SYT10: variants seen among roughly 807,000 people sequenced by gnomAD.
The protein encoded by SYT10 is synaptotagmin 10.
In SYT10, 31 loss-of-function variants were observed where a neutral mutation model predicts 51.1. The observed-to-expected ratio is 0.61, with a 90% CI of 0.46 to 0.82. The LOEUF (loss-of-function observed/expected upper bound fraction) is 0.82, where lower values mean the gene tolerates loss of function less well. SYT10 is among the 40% of genes least tolerant of loss of function. The probability of loss-of-function intolerance (pLI) is 0.00; values close to 1 mark genes in which losing one functional copy is unlikely to be tolerated. For synonymous variants in SYT10, 233 were observed against 225.9 expected, an observed-to-expected ratio of 1.03 and a Z score of -0.28; for missense variants, 603 against 634.0, an observed-to-expected ratio of 0.95 and a Z score of 0.53.
intron 3 of SYT10, among the ~76,000 whole-genome samples, chr12:33,387,480 A>C (rs1459082912): frequency 6.6e-6 from 1 of 152,206 alleles, no homozygotes; most frequent in Non-Finnish European, 1.5e-5. Context: ...TATTGCTAGC[A>C]CATACAGCAG....
intron 2 of SYT10, among the ~76,000 whole-genome samples, chr12:33,421,524 A>G (rs879544725): frequency 2.6e-5 from 4 of 152,186 alleles, no homozygotes; most frequent in Non-Finnish European, 5.9e-5. Flanking sequence ...ACACAGTGTT[A>G]TCTCACCACT....
At chr12:33,409,249 C>T (rs1300997688) in intron 2 of SYT10, among the ~76,000 whole-genome samples, 1 of 152,090 alleles carries the variant, frequency 6.6e-6, no homozygotes, top group East Asian at 1.9e-4. Flanking sequence ...TGGGTTCTCA[C>T]TCTGTCACCC....
intron 2 of SYT10, among the ~76,000 whole-genome samples, chr12:33,422,485 T>C (rs1186904660): frequency 6.6e-6 from 1 of 152,118 alleles, no homozygotes; most frequent in Admixed American, 6.6e-5. Context: ...AGAACTCCTC[T>C]GCTACAAATA....
At chr12:33,428,907 GA>G (rs142029382) in intron 1 of SYT10, among the ~76,000 whole-genome samples, 12,962 of 95,358 alleles carry the variant, frequency 0.14, 1,680 homozygotes, top group East Asian at 0.66. Context: ...CTCTGCTTCA[GA>G]AAAAAAAAAA....
intron 4 of SYT10, among the ~76,000 whole-genome samples, chr12:33,384,043 C>T (rs1163730854): frequency 6.6e-6 from 1 of 152,102 alleles, no homozygotes; most frequent in Non-Finnish European, 1.5e-5. Flanking sequence ...TTCACATACA[C>T]ACTATGTATC....
In SYT10 at chr12:33,376,590, C is replaced by T. The variant is rs1237416210; in HGVS notation, c.*240G>A. 3 of 511,096 alleles carry T rather than the reference C, an allele frequency of 5.9e-6. No individual in the cohort carries two copies. The highest frequency in any genetic ancestry group is 5.7e-5 in the African/African-American group (3 of 52,526). 31.7% of individuals were successfully genotyped at this position (511,096 alleles called of 1,614,324 possible). ...CATAGTAAAACACTCTTTGTGCTAACAGGCATTTGATACGAAGGATAAAAT... is the reference window on the plus strand; with the variant it reads ...CATAGTAAAACACTCTTTGTGCTAATAGGCATTTGATACGAAGGATAAAAT... On this transcript the variant is annotated 3_prime_UTR_variant, in exon 7 of 7. Transcript: ENST00000228567.
At chr12:33,406,378 G>T (rs1374075986) in intron 3 of SYT10, among the ~76,000 whole-genome samples, 1 of 151,962 alleles carries the variant, frequency 6.6e-6, no homozygotes, top group Non-Finnish European at 1.5e-5. Context: ...TTGATCTGAT[G>T]AATTATCTTA....
At chr12:33,417,096 G>C (rs191851092) in intron 2 of SYT10, among the ~76,000 whole-genome samples, 1 of 152,182 alleles carries the variant, frequency 6.6e-6, no homozygotes, top group East Asian at 1.9e-4. Flanking sequence ...GGTGATAGAA[G>C]TTTGAAAAAA....
At chr12:33,393,004 A>G (rs867742978) in intron 3 of SYT10, among the ~76,000 whole-genome samples, 40 of 149,560 alleles carry the variant, frequency 2.7e-4, no homozygotes, top group Middle Eastern at 3.4e-3. Flanking sequence ...AAAAAAAAAA[A>G]AAAAAAAAAA....
intron 1 of SYT10, 129 bp from the exon 2 acceptor site, chr12:33,426,624 A>G (rs1866555864): frequency 3.4e-6 from 3 of 870,818 alleles, no homozygotes; most frequent in Admixed American, 3.5e-5. Flanking sequence ...ATTTTAAGTT[A>G]TCTTTGTAGG....
chr12:33,404,546 C>T (rs1866335216), intron 3 of SYT10, among the ~76,000 whole-genome samples: 1 of 152,052 alleles, frequency 6.6e-6, no homozygotes, highest in African/African-American at 2.4e-5. Context: ...CATGTGACAC[C>T]ATGTCTGGTT....
chr12:33,423,335 TTATGTG>T (rs1866522397), intron 2 of SYT10, among the ~76,000 whole-genome samples: 1 of 151,502 alleles, frequency 6.6e-6, no homozygotes, highest in African/African-American at 2.4e-5. Context: ...TCTGTGTGTG[TTATGTG>T]TGTGTGTGTG....
chr12:33,378,918 A>AGACTT (rs1866089489), intron 6 of SYT10, among the ~76,000 whole-genome samples: 2 of 152,182 alleles, frequency 1.3e-5, no homozygotes, highest in South Asian at 4.1e-4. Flanking sequence ...AGTCAGATAA[A>AGACTT]GACTTGACGC....
At chr12:33,435,398 C>A (rs1290398251) in intron 1 of SYT10, among the ~76,000 whole-genome samples, 1 of 152,084 alleles carries the variant, frequency 6.6e-6, no homozygotes. Context: ...GTAAATCAGA[C>A]CAAGCACAAG....
At chr12:33,402,439 T>C (rs1182749992) in intron 3 of SYT10, among the ~76,000 whole-genome samples, 2 of 152,212 alleles carry the variant, frequency 1.3e-5, no homozygotes, top group Admixed American at 6.5e-5. Flanking sequence ...ATATGGGATA[T>C]AGTCTGTACC....
chr12:33,435,726 C>T (rs1866633082), intron 1 of SYT10, among the ~76,000 whole-genome samples: 1 of 152,130 alleles, frequency 6.6e-6, no homozygotes, highest in Non-Finnish European at 1.5e-5. Flanking sequence ...ACTATGAAGT[C>T]CCTCTACTAA....
At chr12:33,427,018 ATTCT>A (rs1468021239) in intron 1 of SYT10, among the ~76,000 whole-genome samples, 2 of 152,192 alleles carry the variant, frequency 1.3e-5, no homozygotes, top group Non-Finnish European at 2.9e-5. Context: ...ACCTCCATAG[ATTCT>A]TTCTGATAAT....
At chr12:33,409,915 T>C (rs946523091) in intron 2 of SYT10, among the ~76,000 whole-genome samples, 2 of 152,202 alleles carry the variant, frequency 1.3e-5, no homozygotes, top group African/African-American at 4.8e-5. Context: ...CCCGAAGGAC[T>C]GTCATGACAG....
chr12:33,385,150 C>A, intron 4 of SYT10, 21 bp downstream of exon 4: 3 of 1,611,318 alleles, frequency 1.9e-6, no homozygotes, highest in Non-Finnish European at 2.5e-6. Flanking sequence ...GCCCTTGGTC[C>A]TGTGGCCATT....
Sources: allele counts gnomAD v4.1 joint callset (sites outside exome capture counted in the v4.1 genomes callset), GRCh38; gene constraint gnomAD v4.1.1; transcripts MANE v1.5; gene names NCBI Gene and HGNC (gene_info 2026-07-23, HGNC 2026-07-21).